ZNF385D: variants seen among roughly 807,000 people sequenced by gnomAD.
ZNF385D encodes zinc finger protein 385D.
Under a neutral mutation model 35.8 loss-of-function variants are expected in ZNF385D, and 15 were observed. That is an observed-to-expected ratio of 0.42 (90% CI 0.28 to 0.64). The LOEUF (loss-of-function observed/expected upper bound fraction) is 0.64, where lower values mean the gene tolerates loss of function less well. ZNF385D is among the 30% of genes least tolerant of loss of function. The pLI is 0.23. For missense variants in ZNF385D, 474 were observed against 494.6 expected (o/e 0.96, Z 0.39); for synonymous variants, 212 against 186.8 (o/e 1.13, Z -1.10).
chr3:21,512,725 G>C (rs574170900), intron 3 of ZNF385D, among the ~76,000 whole-genome samples: 1 of 152,334 alleles, frequency 6.6e-6, no homozygotes, highest in East Asian at 1.9e-4. Flanking sequence ...ACCAGCGATA[G>C]ATTGGATTAA....
chr3:22,177,919 CT>C (rs994620648), intron 2 of ZNF385D, among the ~76,000 whole-genome samples: 84 of 152,244 alleles, frequency 5.5e-4, no homozygotes, highest in African/African-American at 2.0e-3. Context: ...TGAACTCATC[CT>C]TTTTTATGGC....
At chr3:22,312,243 T>C (rs531783512) in intron 2 of ZNF385D, among the ~76,000 whole-genome samples, 2 of 152,184 alleles carry the variant, frequency 1.3e-5, no homozygotes, top group East Asian at 1.9e-4. Flanking sequence ...AGGAAAAAAA[T>C]AGATATGCAC....
At chr3:21,748,141 T>C (rs933640952) in intron 1 of ZNF385D, among the ~76,000 whole-genome samples, 8 of 152,198 alleles carry the variant, frequency 5.3e-5, no homozygotes, top group South Asian at 2.1e-4. Flanking sequence ...TGAACGATTA[T>C]TGAAAACACT....
At position 22,105,352 on chromosome 3, in the gene ZNF385D, T is replaced by C. The variant is rs187963875; in HGVS notation, c.325+63465A>G. On this transcript the variant is annotated intron_variant, in intron 3 of 5. Transcript: ENST00000494108. The stretch of plus-strand genomic sequence containing the variant: ...GTTGTATTAGTCAGGACTCACTAGA[T>C]AAACACATATATATCTATATCTCTC... 2.6e-4 allele frequency among the ~76,000 whole-genome samples: 40 copies of C among 152,012 alleles called. No homozygotes were observed. In the East Asian group the frequency reaches 6.8e-3, roughly 26 times the overall value.
intron 3 of ZNF385D, among the ~76,000 whole-genome samples, chr3:21,931,025 A>G (rs1700979958): frequency 6.6e-6 from 1 of 152,148 alleles, no homozygotes; most frequent in Non-Finnish European, 1.5e-5. Context: ...TGAAATGCCA[A>G]GTCATATAAG....
intron 1 of ZNF385D, among the ~76,000 whole-genome samples, chr3:21,732,346 C>G (rs1283351416): frequency 1.3e-5 from 2 of 152,120 alleles, no homozygotes; most frequent in African/African-American, 4.8e-5. Flanking sequence ...GCCACCGTGC[C>G]TGGCCATGTT....
At chr3:22,114,417 T>C (rs1388805904) in intron 3 of ZNF385D, among the ~76,000 whole-genome samples, 1 of 152,150 alleles carries the variant, frequency 6.6e-6, no homozygotes, top group Non-Finnish European at 1.5e-5. Context: ...CCAATATGTA[T>C]CTTGGTACAT....
At chr3:21,592,553 A>AAC (rs1300969107) in intron 2 of ZNF385D, among the ~76,000 whole-genome samples, 1 of 105,132 alleles carries the variant, frequency 9.5e-6, no homozygotes, top group Non-Finnish European at 2.0e-5. Context: ...CAAAAAAAAA[A>AAC]AACCAAAAAC....
chr3:22,191,261 C>A (rs1302706989), intron 2 of ZNF385D, among the ~76,000 whole-genome samples: 1 of 152,076 alleles, frequency 6.6e-6, no homozygotes, highest in East Asian at 1.9e-4. Flanking sequence ...GAGGCCGAGG[C>A]AGGCGGATCA....
chr3:21,984,452 G>T (rs1259726853), intron 3 of ZNF385D, among the ~76,000 whole-genome samples: 1 of 132,424 alleles, frequency 7.6e-6, no homozygotes, highest in South Asian at 2.8e-4. Context: ...TTTTTCTCAG[G>T]TTTGTCAAAG....
intron 2 of ZNF385D, among the ~76,000 whole-genome samples, chr3:22,285,530 CTTTATT>C (rs1268470225): frequency 1.3e-5 from 2 of 151,876 alleles, no homozygotes; most frequent in African/African-American, 4.8e-5. Context: ...TATTCAATAA[CTTTATT>C]TATTTTTTAT....
At chr3:21,957,621 T>A (rs1056227911) in intron 3 of ZNF385D, among the ~76,000 whole-genome samples, 2 of 152,130 alleles carry the variant, frequency 1.3e-5, no homozygotes, top group African/African-American at 4.8e-5. Context: ...CTTGAACTGG[T>A]GTTCTGCTTA....
chr3:22,276,809 G>T (rs1382130988), intron 2 of ZNF385D, among the ~76,000 whole-genome samples: 5 of 152,074 alleles, frequency 3.3e-5, no homozygotes, highest in African/African-American at 1.2e-4. Context: ...GATGTCTAGG[G>T]TAAGAAATAT....
intron 3 of ZNF385D, among the ~76,000 whole-genome samples, chr3:21,760,668 A>T (rs930509978): frequency 1.1e-4 from 17 of 152,176 alleles, no homozygotes; most frequent in Non-Finnish European, 2.4e-4. Context: ...ATGAATACTG[A>T]TGCTTAGTGC....
At chr3:22,138,982 A>G in intron 3 of ZNF385D, among the ~76,000 whole-genome samples, 1 of 152,314 alleles carries the variant, frequency 6.6e-6, no homozygotes, top group South Asian at 2.1e-4. Context: ...AAAAAAACAA[A>G]CAACCCCATC....
intron 3 of ZNF385D, among the ~76,000 whole-genome samples, chr3:21,791,605 A>C (rs1370151841): frequency 2.0e-5 from 3 of 152,212 alleles, no homozygotes; most frequent in Admixed American, 6.5e-5. Context: ...TTTACAAAAC[A>C]TTAGCAGCTC....
intron 2 of ZNF385D, among the ~76,000 whole-genome samples, chr3:22,249,856 C>A (rs1009173037): frequency 2.6e-5 from 4 of 152,066 alleles, no homozygotes; most frequent in African/African-American, 9.7e-5. Flanking sequence ...GATGTATATG[C>A]CATGTCAGCT....
At chr3:21,741,339 T>G (rs914541438) in intron 1 of ZNF385D, among the ~76,000 whole-genome samples, 11 of 152,346 alleles carry the variant, frequency 7.2e-5, no homozygotes, top group African/African-American at 2.6e-4. Context: ...AATTAATCAA[T>G]CTGCCTTCCA....
At chr3:21,815,770 A>C (rs9850792) in intron 3 of ZNF385D, among the ~76,000 whole-genome samples, 7,133 of 152,278 alleles carry the variant, frequency 0.047, 565 homozygotes, top group African/African-American at 0.16. Context: ...AGCTGGTACC[A>C]TTCCTTCTGA....
Sources: allele counts gnomAD v4.1 joint callset (sites outside exome capture counted in the v4.1 genomes callset), GRCh38; gene constraint gnomAD v4.1.1; transcripts MANE v1.5; gene names NCBI Gene and HGNC (gene_info 2026-07-23, HGNC 2026-07-21).